TMCO5A: variants seen among roughly 807,000 people sequenced by gnomAD.
TMCO5A encodes transmembrane and coiled-coil domains 5A, also known as transmembrane and coiled-coil domain-containing protein 5A.
Under a neutral mutation model 42.3 loss-of-function variants are expected in TMCO5A, and 34 were observed. The ratio of observed to expected loss-of-function variants is 0.80; its 90% CI spans 0.61 to 1.07. The LOEUF (loss-of-function observed/expected upper bound fraction) is 1.07. TMCO5A is among the 50% of genes least tolerant of loss of function. The probability of loss-of-function intolerance (pLI) is 0.00; values close to 1 mark genes in which losing one functional copy is unlikely to be tolerated. For missense variants in TMCO5A, 357 were observed against 327.9 expected (o/e 1.09, Z -0.69); for synonymous variants, 131 against 115.6 (o/e 1.13, Z -0.86).
At chr15:38,039,043 T>TA in the TMCO5A span, among the ~76,000 whole-genome samples, 2 of 152,176 alleles carry the variant, frequency 1.3e-5, no homozygotes, top group African/African-American at 4.8e-5. Flanking sequence ...GACAAAATGA[T>TA]ATGACAAGGA....
At chr15:37,954,448 CT>C (rs1211076709), downstream of TMCO5A, among the ~76,000 whole-genome samples, 1 of 152,052 alleles carries the variant, frequency 6.6e-6, no homozygotes, top group African/African-American at 2.4e-5. Context: ...CAATAGTATT[CT>C]GGTGAAAATG....
At chr15:37,986,101 C>T in the TMCO5A span, among the ~76,000 whole-genome samples, 1 of 151,994 alleles carries the variant, frequency 6.6e-6, no homozygotes, top group Admixed American at 6.6e-5. Flanking sequence ...AGGCAGAACA[C>T]ACAGAATCAT....
chr15:38,016,071 C>T, the TMCO5A span, among the ~76,000 whole-genome samples: 12 of 152,088 alleles, frequency 7.9e-5, no homozygotes, highest in African/African-American at 2.9e-4. Context: ...TCGGATGATA[C>T]TGGGACGTCA....
At chr15:38,023,587 A>C in the TMCO5A span, among the ~76,000 whole-genome samples, 1 of 152,340 alleles carries the variant, frequency 6.6e-6, no homozygotes, top group Middle Eastern at 3.4e-3. Context: ...ATGGTCAAGC[A>C]GACCACTATG....
downstream of TMCO5A, among the ~76,000 whole-genome samples, chr15:37,952,433 C>T (rs1028257905): frequency 6.6e-6 from 1 of 152,120 alleles, no homozygotes; most frequent in Non-Finnish European, 1.5e-5. Flanking sequence ...CTTTCCAGGC[C>T]CTAGCTCCCA....
the TMCO5A span, among the ~76,000 whole-genome samples, chr15:38,025,852 G>T: frequency 0.74 from 112,997 of 152,106 alleles, 42,229 homozygotes; most frequent in East Asian, 0.95. Context: ...ACTGTTCTCA[G>T]GGTAGTGAGT....
rs148231491 is a variant in TMCO5A at position 37,937,108 on chromosome 15, G to T, written c.264+138G>T. ...AAAAGTCATGATAAAATTTGTCCAT[G>T]CGTGGAAGGGGATGTGTCTGGCTTC... On this transcript the variant is annotated intron_variant, in intron 4 of 11. Coordinates refer to ENST00000319669, the MANE Select transcript of TMCO5A (RefSeq NM_152453.4). 3.7e-3 allele frequency: 5,106 copies of T among 1,364,876 alleles called. 105 individuals are homozygous for T. In the East Asian group the frequency reaches 0.063, roughly 17 times the overall value. The allele number at this position is 1,364,876 out of a possible 1,614,324, so 84.5% of individuals were successfully genotyped here.
At chr15:37,971,513 C>G (rs1890673168), downstream of TMCO5A, among the ~76,000 whole-genome samples, 1 of 152,214 alleles carries the variant, frequency 6.6e-6, no homozygotes, top group South Asian at 2.1e-4. Context: ...TTCCTCATTA[C>G]TTATGCAAAT....
the TMCO5A span, among the ~76,000 whole-genome samples, chr15:37,976,668 G>C: frequency 6.6e-6 from 1 of 151,988 alleles, no homozygotes; most frequent in African/African-American, 2.4e-5. Context: ...TGAACTCTGA[G>C]ATTCTTTCCT....
At chr15:37,937,065 A>G (rs991741838) in intron 4 of TMCO5A, 95 bp downstream of exon 4, 5 of 1,527,474 alleles carry the variant, frequency 3.3e-6, no homozygotes, top group Middle Eastern at 2.1e-4. Context: ...CTTTTTATAC[A>G]TGAACAGTAG....
chr15:37,939,176 C>T (rs1566914593), intron 6 of TMCO5A, among the ~76,000 whole-genome samples: 1 of 152,030 alleles, frequency 6.6e-6, no homozygotes. Flanking sequence ...CTTCTCTCTA[C>T]CCTCCAAAGC....
chr15:37,957,282 A>C (rs907360230), intron 11 of TMCO5A, among the ~76,000 whole-genome samples: 2 of 152,040 alleles, frequency 1.3e-5, no homozygotes, highest in African/African-American at 4.8e-5. Flanking sequence ...ATTCAATTCC[A>C]AAAAGAGGAA....
the TMCO5A span, among the ~76,000 whole-genome samples, chr15:38,036,494 TCTCACACA>T: frequency 0.012 from 1,685 of 135,560 alleles, 32 homozygotes; most frequent in African/African-American, 0.045. Flanking sequence ...TCTCTCTCTC[TCTCACACA>T]CACACACACA....
the TMCO5A span, among the ~76,000 whole-genome samples, chr15:38,002,893 G>A: frequency 6.6e-6 from 1 of 152,012 alleles, no homozygotes; most frequent in Non-Finnish European, 1.5e-5. Flanking sequence ...GCCATTTTCT[G>A]GGTAGTCTTG....
chr15:37,936,006 C>T (rs1889496363), intron 2 of TMCO5A: 1 of 193,718 alleles, frequency 5.2e-6, no homozygotes. Flanking sequence ...CCAAGAGAAA[C>T]ATTTCTCCCC....
chr15:37,942,044 A>AG, intron 8 of TMCO5A, 147 bp from the exon 9 acceptor site: 1 of 727,430 alleles, frequency 1.4e-6, no homozygotes, highest in South Asian at 1.8e-5. Context: ...CAAGAGTAGT[A>AG]GGGGGGTGAG....
At chr15:37,984,773 C>T in the TMCO5A span, 2 of 138,874 alleles carry the variant, frequency 1.4e-5, no homozygotes, top group Admixed American at 8.1e-5. Context: ...AAGCAGAAAG[C>T]AGCTCTCACC....
downstream of TMCO5A, among the ~76,000 whole-genome samples, chr15:37,971,996 T>G (rs1445493330): frequency 1.3e-5 from 2 of 152,204 alleles, no homozygotes; most frequent in African/African-American, 4.8e-5. Context: ...CAAAGTTGCT[T>G]CTACATTTTT....
exon 12 of TMCO5A, chr15:37,966,722 G>T (rs988763194): frequency 2.8e-6 from 2 of 702,722 alleles, no homozygotes; most frequent in Non-Finnish European, 2.6e-6. Context: ...TTTTCCAACA[G>T]GTTCAGCAGT....
Sources: gnomAD v4.1 joint callset for allele counts (sites outside exome capture counted in the v4.1 genomes callset) on GRCh38, gnomAD v4.1.1 for gene constraint, MANE v1.5 for transcripts, NCBI Gene and HGNC (gene_info 2026-07-23, HGNC 2026-07-21) for gene names.